The following ATP2C2 variants were observed in gnomAD, a reference collection of about 807,000 sequenced individuals.
The protein encoded by ATP2C2 is ATPase secretory pathway Ca2+ transporting 2.
Under a neutral mutation model 110.8 loss-of-function variants are expected in ATP2C2, and 171 were observed. The ratio of observed to expected loss-of-function variants is 1.54; its 90% CI spans 1.36 to 1.75. The LOEUF (loss-of-function observed/expected upper bound fraction) is 1.75. Ranked by LOEUF, ATP2C2 falls within the 40% of genes most tolerant of loss-of-function variation. ATP2C2 has a pLI of 0.00. For missense variants in ATP2C2, 1,963 were observed against 1,235.0 expected (o/e 1.59, Z -8.84); for synonymous variants, 804 against 508.4 (o/e 1.58, Z -7.82).
chr16:84,408,124 A>G (rs977626629), intron 3 of ATP2C2, among the ~76,000 whole-genome samples: 7 of 152,176 alleles, frequency 4.6e-5, no homozygotes, highest in Non-Finnish European at 1.0e-4. Context: ...CTGGAGCGTC[A>G]TGGAGATGTG....
chr16:84,387,910 G>A (rs35547802), intron 1 of ATP2C2, among the ~76,000 whole-genome samples: 25,621 of 150,854 alleles, frequency 0.17, 2,318 homozygotes, highest in Non-Finnish European at 0.2. Flanking sequence ...GGGTGACATA[G>A]TGAGATCCCA....
intron 1 of ATP2C2, among the ~76,000 whole-genome samples, chr16:84,384,429 C>T (rs140668223): frequency 2.0e-3 from 306 of 152,296 alleles, no homozygotes; most frequent in African/African-American, 6.6e-3. Flanking sequence ...CCCTGTGGCA[C>T]GATACTGTGT....
At chr16:84,463,575 C>T (rs1209311516) in intron 26 of ATP2C2, 39 bp from the exon 27 acceptor site, 7 of 1,559,786 alleles carry the variant, frequency 4.5e-6, no homozygotes, top group Non-Finnish European at 5.3e-6. Flanking sequence ...AACAGAGCTG[C>T]AGCCCGTCCT....
At chr16:84,444,037 C>T (rs905044541) in intron 15 of ATP2C2, among the ~76,000 whole-genome samples, 7 of 151,632 alleles carry the variant, frequency 4.6e-5, no homozygotes, top group Non-Finnish European at 2.9e-5. Flanking sequence ...CATGGTGGTG[C>T]ATGCCTGTGG....
In ATP2C2 at chr16:84,442,527, C is replaced by A. The variant is rs1487891301; in HGVS notation, c.1329C>A (p.Asn443Lys). The A allele has an allele frequency of 1.2e-6, 2 of 1,614,048 alleles. No homozygotes were observed. Among genetic ancestry groups the A allele is most frequent in the Non-Finnish European group, 1.7e-6 (2 of 1,179,952 alleles). ...GKLVEAGCVA[N>K]NAVIRKNAVM... ...CCTTTTAGGCGGGCTGTGTTGCCAA[C>A]AATGCGGTCATCAGAAAGAACGCCG... Residue 443 changes from asparagine (N) to lysine (K), a missense_variant, in exon 15 of 27, where the codon AAC (asparagine) becomes AAA (lysine). Physicochemically the swap from Asn to Lys is moderately conservative, Grantham distance 94 (BLOSUM62 0). Coordinates refer to ENST00000262429, the MANE Select transcript of ATP2C2 (RefSeq NM_014861.4).
rs180852478 is a variant in ATP2C2 at position 84,370,950 on chromosome 16, G to A, written c.99+2236G>A. Among the ~76,000 whole-genome samples the A allele has an allele frequency of 6.9e-3, 1,045 of 152,298 alleles. 8 individuals are homozygous for A. Among genetic ancestry groups the A allele is most frequent in the South Asian group, 0.022 (108 of 4,824 alleles). On this transcript the variant is annotated intron_variant, in intron 1 of 26. Transcript: ENST00000262429. ...TCAATGAGGATGTGAGGCTCCTAGT[G>A]GGGCCACGTTTGTTTGCTCAGTGAG... is the stretch of plus-strand genomic sequence containing the variant.
intron 1 of ATP2C2, among the ~76,000 whole-genome samples, chr16:84,379,663 T>C (rs1054589210): frequency 6.6e-6 from 1 of 152,154 alleles, no homozygotes. Context: ...GGAGTTTGAG[T>C]ACTGCTGCTC....
At chr16:84,417,339 T>G (rs897949567) in intron 7 of ATP2C2, among the ~76,000 whole-genome samples, 2 of 152,164 alleles carry the variant, frequency 1.3e-5, no homozygotes, top group Non-Finnish European at 2.9e-5. Context: ...AATTCACCTC[T>G]CTGAGCTTCG....
intron 2 of ATP2C2, among the ~76,000 whole-genome samples, chr16:84,400,361 C>T (rs567253305): frequency 6.8e-6 from 1 of 146,250 alleles, no homozygotes; most frequent in Non-Finnish European, 1.5e-5. Flanking sequence ...GAGTCTCACT[C>T]TGTCACCCAA....
At chr16:84,454,223 A>G (rs545407512) in intron 20 of ATP2C2, among the ~76,000 whole-genome samples, 1 of 152,258 alleles carries the variant, frequency 6.6e-6, no homozygotes, top group African/African-American at 2.4e-5. Context: ...AGAGAATTAA[A>G]CAAAGCCAGG....
intron 1 of ATP2C2, among the ~76,000 whole-genome samples, chr16:84,372,170 G>A (rs71386830): frequency 0.026 from 4,021 of 152,242 alleles, 87 homozygotes; most frequent in Non-Finnish European, 0.04. Flanking sequence ...GTGGGGGATC[G>A]TTGAAGGGTT....
intron 11 of ATP2C2, among the ~76,000 whole-genome samples, chr16:84,435,329 A>C (rs146256166): frequency 1.8e-4 from 28 of 152,292 alleles, no homozygotes; most frequent in African/African-American, 6.5e-4. Flanking sequence ...TTCACAATCA[A>C]CTGTCTTAGC....
At chr16:84,420,606 AT>A (rs946775022) in intron 7 of ATP2C2, among the ~76,000 whole-genome samples, 8 of 151,876 alleles carry the variant, frequency 5.3e-5, no homozygotes, top group African/African-American at 1.9e-4. Flanking sequence ...ACTTGGGTAC[AT>A]CGGTCACAAC....
At chr16:84,372,688 T>C (rs895283592) in intron 1 of ATP2C2, among the ~76,000 whole-genome samples, 4 of 151,952 alleles carry the variant, frequency 2.6e-5, no homozygotes, top group Non-Finnish European at 4.4e-5. Context: ...CCTCCCAAAG[T>C]GCTGGGATTA....
In ATP2C2 at chr16:84,460,885, A is replaced by G. The variant is rs1255694580; in HGVS notation, c.2481+84A>G. On this transcript the variant is annotated intron_variant, in intron 24 of 26. Coordinates refer to ENST00000262429, the MANE Select transcript of ATP2C2 (RefSeq NM_014861.4). Reference sequence around the variant, plus strand: ...ACTGCAGTCCCTGCCCTCCTGCCACAGCTCACATCTGGGAGAGGCAAACAT... The same window carrying G: ...ACTGCAGTCCCTGCCCTCCTGCCACGGCTCACATCTGGGAGAGGCAAACAT... The G allele has an allele frequency of 7.4e-6, 11 of 1,488,690 alleles. No individual in the cohort carries two copies. In the Admixed American group the frequency reaches 1.6e-4, roughly 22 times the overall value. The allele number at this position is 1,488,690 out of a possible 1,614,324, so 92.2% of individuals were successfully genotyped here. A position where few individuals can be genotyped will look rare whatever the true frequency, so the allele number is the denominator to read the frequency against.
At chr16:84,460,080 G>A (rs1272235271) in intron 23 of ATP2C2, 3 of 197,964 alleles carry the variant, frequency 1.5e-5, no homozygotes, top group Non-Finnish European at 2.1e-5. Context: ...AGCTGCCAAG[G>A]GAAAGAGAGT....
rs561261492 is a variant in ATP2C2, at chr16:84,396,458, G to A, written c.100-2041G>A. ...CCAGCTACTGGGGAGGGTGAGGCAG[G>A]AGACTCGCTTGAACCCGGGAGGAGG... is the stretch of plus-strand genomic sequence containing the variant. On this transcript the variant is annotated intron_variant, in intron 1 of 26. Coordinates refer to ENST00000262429, the MANE Select transcript of ATP2C2 (RefSeq NM_014861.4). Among the ~76,000 whole-genome samples, 5 of 150,974 alleles carry A rather than the reference G, an allele frequency of 3.3e-5. No individual in the cohort carries two copies. In the South Asian group the frequency reaches 1.0e-3, roughly 32 times the overall value.
chr16:84,391,930 A>C lies in ATP2C2; in HGVS notation c.100-6569A>C, dbSNP rs578218788. Among the ~76,000 whole-genome samples the C allele has an allele frequency of 4.6e-3, 694 of 151,380 alleles. 4 individuals are homozygous for C. Among genetic ancestry groups the C allele is most frequent in the South Asian group, 0.013 (63 of 4,770 alleles). ...CTTCCTTCCTCTTTTTTTTTTTAAA[A>C]CAAAACTAGGATTATATTACGACGA... On this transcript the variant is annotated intron_variant, in intron 1 of 26. Coordinates refer to ENST00000262429, the MANE Select transcript of ATP2C2 (RefSeq NM_014861.4).
At chr16:84,455,682 T>C (rs139928736) in intron 21 of ATP2C2, among the ~76,000 whole-genome samples, 26 of 151,782 alleles carry the variant, frequency 1.7e-4, no homozygotes, top group Non-Finnish European at 2.8e-4. Context: ...ATATTGAGGC[T>C]AGGTGGATCG....
Sources: allele counts gnomAD v4.1 joint callset (sites outside exome capture counted in the v4.1 genomes callset), GRCh38; gene constraint gnomAD v4.1.1; transcripts MANE v1.5; gene names NCBI Gene and HGNC (gene_info 2026-07-23, HGNC 2026-07-21).